DMAC2: variants seen among roughly 807,000 people sequenced by gnomAD.
DMAC2 encodes distal membrane-arm assembly complex protein 2.
A neutral mutation model predicts 29.6 loss-of-function variants in DMAC2; 32 were observed. That is an observed-to-expected ratio of 1.08 (90% CI 0.81 to 1.45). The LOEUF is 1.45. DMAC2 is among the 40% of genes most tolerant of loss of function. DMAC2 has a pLI of 0.00. For missense variants in DMAC2, 319 were observed against 340.0 expected (o/e 0.94, Z 0.49); for synonymous variants, 133 against 137.4 (o/e 0.97, Z 0.23).
chr19:41,437,230 T>C (rs1234425826), intron 2 of DMAC2, among the ~76,000 whole-genome samples: 18 of 151,582 alleles, frequency 1.2e-4, no homozygotes, highest in African/African-American at 4.4e-4. Flanking sequence ...TGAAACCCCA[T>C]CTCTACTAAA....
chr19:41,432,013 T>TGGAAAGGGCTGCCTGACAGGGTGACA lies in DMAC2; in HGVS notation c.*192_*217dup, dbSNP rs2039535527. The TGGAAAGGGCTGCCTGACAGGGTGACA allele has an allele frequency of 5.0e-6, 3 of 597,104 alleles. No homozygotes were observed. Among genetic ancestry groups the TGGAAAGGGCTGCCTGACAGGGTGACA allele is most frequent in the Non-Finnish European group, 5.9e-6 (2 of 338,500 alleles). The allele number at this position is 597,104 out of a possible 1,614,324, so 37.0% of individuals were successfully genotyped here. On this transcript the variant is annotated 3_prime_UTR_variant, in exon 6 of 6. Transcript: ENST00000221943. The stretch of plus-strand genomic sequence containing the variant: ...ACCTCCCCAGGCCTGAACAGGGGCA[T>TGGAAAGGGCTGCCTGACAGGGTGACA]GGAAAGGGCTGCCTGACAGGGTGAC...
In DMAC2 at chr19:41,435,559, C is replaced by T. The variant is rs563868885; in HGVS notation, c.296+833G>A. Among the ~76,000 whole-genome samples the T allele has an allele frequency of 6.0e-5, 9 of 150,942 alleles. No homozygotes were observed. In the South Asian group the frequency reaches 1.5e-3, roughly 25 times the overall value. On this transcript the variant is annotated intron_variant, in intron 3 of 5. Transcript: ENST00000221943. Reference sequence around the variant, plus strand: ...TGCTGCGATTACAGGTGTGAGCCACCGCGCCCGGCCTATTATTATTTTTTG... The same window carrying T: ...TGCTGCGATTACAGGTGTGAGCCACTGCGCCCGGCCTATTATTATTTTTTG...
In DMAC2 at chr19:41,438,400, G is replaced by A. The variant is rs201796405; in HGVS notation, c.33C>T (p.Val11=). Residue 11 remains valine, a synonymous_variant, in exon 2 of 6, where the codon GTC becomes GTT. Coordinates refer to ENST00000221943, the MANE Select transcript of DMAC2 (RefSeq NM_018035.3). ...TGATACGCCCATTCCACATGGGGGC[G>A]ACCAGGCGCAGGGACTGGGGAGGGG... MAAPWASLRL[V]APMWNGRIRG... The A allele has an allele frequency of 1.9e-5, 30 of 1,613,704 alleles. No individual in the cohort carries two copies. The Admixed American group carries it at 2.0e-4, about 11-fold the overall frequency.
intron 3 of DMAC2, 25 bp downstream of exon 3, chr19:41,436,367 C>A: frequency 6.2e-7 from 1 of 1,608,576 alleles, no homozygotes; most frequent in Non-Finnish European, 8.5e-7. Flanking sequence ...TGCCCCAGCC[C>A]GTTCTAACAC....
rs782679228 is a variant in DMAC2, at chr19:41,433,692, G to GT, written c.297-20dup. ...TCGAAACCTGGAAACGGGAAAGGGA[G>GT]TGTCAGCAGGGCACCTGAACCTGCC... On this transcript the variant is annotated intron_variant, in intron 3 of 5. Coordinates refer to ENST00000221943, the MANE Select transcript of DMAC2 (RefSeq NM_018035.3). 12 of 1,614,078 alleles carry GT rather than the reference G, an allele frequency of 7.4e-6. No homozygotes were observed. Among genetic ancestry groups the GT allele is most frequent in the Non-Finnish European group, 1.0e-5 (12 of 1,179,908 alleles).
In DMAC2 at chr19:41,438,415, C is replaced by A; in HGVS notation, c.19-1G>T. The A allele has an allele frequency of 6.2e-7, 1 of 1,611,704 alleles. No individual in the cohort carries two copies. Among genetic ancestry groups the A allele is most frequent in the Non-Finnish European group, 8.5e-7 (1 of 1,178,872 alleles). The stretch of plus-strand genomic sequence containing the variant: ...ACATGGGGGCGACCAGGCGCAGGGA[C>A]TGGGGAGGGGGAGAGGAAAGGAGCT... On this transcript the variant is annotated splice_acceptor_variant, in intron 1 of 5. Transcript: ENST00000221943. LOFTEE classifies it high-confidence loss of function.
chr19:41,436,775 A>T (rs1347075669), intron 2 of DMAC2, among the ~76,000 whole-genome samples: 1 of 152,200 alleles, frequency 6.6e-6, no homozygotes, highest in African/African-American at 2.4e-5. Context: ...TCCATGACCA[A>T]ACAAAGCAGA....
At chr19:41,439,575 T>C in intron 1 of DMAC2, 1 of 1,528,290 alleles carries the variant, frequency 6.5e-7, no homozygotes, top group Non-Finnish European at 8.8e-7. Flanking sequence ...CATTAGCTCC[T>C]TGTGTCATCC....
At chr19:41,433,980 T>A (rs559232858) in intron 3 of DMAC2, among the ~76,000 whole-genome samples, 6 of 152,146 alleles carry the variant, frequency 3.9e-5, no homozygotes, top group Admixed American at 2.6e-4. Context: ...ACGCCTGTAA[T>A]CCCAGCACTT....
At chr19:41,436,503 C>G (rs533814050) in intron 2 of DMAC2, 31 bp from the exon 3 acceptor site, 7 of 1,590,098 alleles carry the variant, frequency 4.4e-6, no homozygotes, top group East Asian at 4.5e-5. Context: ...AAGGGTGAGG[C>G]CTGGGGAGCA....
In DMAC2 at chr19:41,438,288, A is replaced by T. The variant is rs201768368; in HGVS notation, c.145T>A (p.Phe49Ile). The T allele has an allele frequency of 3.1e-6, 5 of 1,614,262 alleles. No homozygotes were observed. In the Admixed American group the frequency reaches 8.3e-5, roughly 27 times the overall value. The change falls in exon 2 of 6, where the codon TTC becomes ATC. Residue 49 changes from phenylalanine (F) to isoleucine (I), a missense_variant. Coordinates refer to ENST00000221943, the MANE Select transcript of DMAC2 (RefSeq NM_018035.3). ...RTILQFLTNYFYDVEALRDYL... is the reference protein window; with the variant it reads ...RTILQFLTNYIYDVEALRDYL... ...TCCCTCAGAGCCTCCACATCGTAGAAATAGTTGGTCAGGAACTGGAGTATT... is the reference window on the plus strand; with the variant it reads ...TCCCTCAGAGCCTCCACATCGTAGATATAGTTGGTCAGGAACTGGAGTATT...
chr19:41,439,454 C>T, intron 1 of DMAC2: 1 of 1,531,558 alleles, frequency 6.5e-7, no homozygotes, highest in Non-Finnish European at 8.8e-7. Context: ...ATTCGTCAAT[C>T]TCCCACTAAC....
In DMAC2 at chr19:41,432,424, A is replaced by G. The variant is rs782152400; in HGVS notation, c.597-16T>C. 37 of 1,611,770 alleles carry G rather than the reference A, an allele frequency of 2.3e-5. No individual in the cohort carries two copies. Among genetic ancestry groups the G allele is most frequent in the Middle Eastern group, 1.6e-4 (1 of 6,076 alleles). ...GCGGAGGTTCCTGAAAAGGGGTGAG[A>G]AGGACAGGAAGCCAGTGTAAGGACA... On this transcript the variant is annotated splice_polypyrimidine_tract_variant and intron_variant, in intron 5 of 5. Coordinates refer to ENST00000221943, the MANE Select transcript of DMAC2 (RefSeq NM_018035.3).
rs1436138776 is a variant in DMAC2 at position 41,431,612 on chromosome 19, C to A, written c.*619G>T. ...GCAGAAGCACAACCAACAAGAACCA[C>A]GAAGGAGGCGCCTTTCCTCCTATAA... On this transcript the variant is annotated 3_prime_UTR_variant, in exon 6 of 6. Transcript: ENST00000221943. 3 of 287,334 alleles carry A rather than the reference C, an allele frequency of 1.0e-5. No homozygotes were observed. Among genetic ancestry groups the A allele is most frequent in the Non-Finnish European group, 2.1e-5 (3 of 145,720 alleles). The allele number at this position is 287,334 out of a possible 1,614,324, so 17.8% of individuals were successfully genotyped here. A position where few individuals can be genotyped will look rare whatever the true frequency, so the allele number is the denominator to read the frequency against.
chr19:41,433,366 G>A lies in DMAC2; in HGVS notation c.502C>T (p.Arg168Cys), dbSNP rs782413672. ...CCHVDDWCLS[R>C]LYPLADSLQE... is the part of the protein sequence containing the mutation. ...AACGAGTCGGCCAGTGGGTAGAGGC[G>A]GCTGAGACACCAGTCGTCCACGTGG... Residue 168 changes from arginine (R) to cysteine (C), a missense_variant, in exon 5 of 6, where the codon CGC (arginine) becomes TGC (cysteine). Coordinates refer to ENST00000221943, the MANE Select transcript of DMAC2 (RefSeq NM_018035.3). 93 of 1,612,856 alleles carry A rather than the reference G, an allele frequency of 5.8e-5. No individual in the cohort carries two copies. In the South Asian group the frequency reaches 8.8e-4, roughly 15 times the overall value.
chr19:41,432,714 T>TGTGC, intron 5 of DMAC2: 1 of 398,440 alleles, frequency 2.5e-6, no homozygotes, highest in Non-Finnish European at 4.5e-6. Context: ...AGCGTGTGTG[T>TGTGC]GTGTGTGTGT....
At position 41,431,909 on chromosome 19, in the gene DMAC2, C is replaced by A; in HGVS notation, c.*322G>T. 2.7e-6 allele frequency: 1 copy of A among 364,150 alleles called. No individual in the cohort carries two copies. The highest frequency in any genetic ancestry group is 5.1e-6 in the Non-Finnish European group (1 of 196,678). 22.6% of individuals were successfully genotyped at this position (364,150 alleles called of 1,614,324 possible). A position where few individuals can be genotyped will look rare whatever the true frequency, so the allele number is the denominator to read the frequency against. On this transcript the variant is annotated 3_prime_UTR_variant, in exon 6 of 6. Coordinates refer to ENST00000221943, the MANE Select transcript of DMAC2 (RefSeq NM_018035.3). ...GGTCCCTGCAAGAAATGGCAGTGCACTCACATAAGGACAGTTTGAGAAGAG... is the reference window on the plus strand; with the variant it reads ...GGTCCCTGCAAGAAATGGCAGTGCAATCACATAAGGACAGTTTGAGAAGAG...
chr19:41,433,538 G>A lies in DMAC2; in HGVS notation c.432C>T (p.Leu144=), dbSNP rs1456728923. 5.0e-6 allele frequency: 8 copies of A among 1,614,090 alleles called. No homozygotes were observed. The highest frequency in any genetic ancestry group is 1.3e-5 in the African/African-American group (1 of 74,940). ...CDINYEGLDN[L]LRLKELQSLS... ...CCATCTCCACCCCACCGCACTCACGGAGGTTATCCAGGCCCTCGTAGTTGA... is the reference window on the plus strand; with the variant it reads ...CCATCTCCACCCCACCGCACTCACGAAGGTTATCCAGGCCCTCGTAGTTGA... Residue 144 remains leucine, a splice_region_variant and synonymous_variant, in exon 4 of 6, where the codon CTC becomes CTT. Transcript: ENST00000221943.
Position 41,432,779 on chromosome 19 carries a change from C to CGTGT in DMAC2, c.597-372_597-371insACAC, listed in dbSNP as rs1371107416. 3.9e-4 allele frequency: 120 copies of CGTGT among 303,938 alleles called. 1 individual carries two copies. The highest frequency in any genetic ancestry group is 7.8e-4 in the Admixed American group (13 of 16,618). The allele number at this position is 303,938 out of a possible 1,614,324, so 18.8% of individuals were successfully genotyped here. A position where few individuals can be genotyped will look rare whatever the true frequency, so the allele number is the denominator to read the frequency against. On this transcript the variant is annotated intron_variant, in intron 5 of 5. Coordinates refer to ENST00000221943, the MANE Select transcript of DMAC2 (RefSeq NM_018035.3). ...GTGTGTGTAGGGAGGTACAGGACAG[C>CGTGT]GTGCGTGTGTGTGTGTGTGTGTGTG...
Sources: gnomAD v4.1 joint callset for allele counts (sites outside exome capture counted in the v4.1 genomes callset) on GRCh38, gnomAD v4.1.1 for gene constraint, MANE v1.5 for transcripts, NCBI Gene and HGNC (gene_info 2026-07-23, HGNC 2026-07-21) for gene names.